The following ZNF226 variants were observed in gnomAD, a reference collection of about 807,000 sequenced individuals.
ZNF226 encodes Kruppel-associated box protein.
In ZNF226, 6 loss-of-function variants were observed where a neutral mutation model predicts 11.4. The observed-to-expected ratio is 0.53, with a 90% CI of 0.29 to 1.04. The LOEUF (loss-of-function observed/expected upper bound fraction) is 1.04, where lower values mean the gene tolerates loss of function less well. Ranked by LOEUF, ZNF226 falls within the 50% of genes least tolerant of loss-of-function variation. The pLI, the probability that ZNF226 is intolerant of heterozygous loss-of-function variation, is 0.08. For missense variants in ZNF226, 1,058 were observed against 956.5 expected, an observed-to-expected ratio of 1.11 and a Z score of -1.40; for synonymous variants, 350 against 322.8, an observed-to-expected ratio of 1.08 and a Z score of -0.90.
chr19:44,190,040 A>T, the ZNF226 span, among the ~76,000 whole-genome samples: 90 of 152,356 alleles, frequency 5.9e-4, no homozygotes, highest in African/African-American at 2.0e-3. Flanking sequence ...TCTGGTCTAC[A>T]GTAGATAATA....
chr19:44,173,517 C>G, intron 5 of ZNF226: 1 of 152,874 alleles, frequency 6.5e-6, no homozygotes, highest in South Asian at 2.1e-4. Flanking sequence ...CAGCACTTCG[C>G]GAGGCTGAGG....
rs1179158817 is a variant in ZNF226, at chr19:44,175,490, C to G, written c.236-8C>G. The stretch of plus-strand genomic sequence containing the variant: ...TTCACTATCTCTCTGAATCCTTTGT[C>G]CTTACAGGAGAGAAAAATCAAAGTA... On this transcript the variant is annotated splice_polypyrimidine_tract_variant and splice_region_variant and intron_variant, in intron 5 of 5. Coordinates refer to ENST00000337433, the MANE Select transcript of ZNF226 (RefSeq NM_001032373.2). 1.3e-6 allele frequency: 2 copies of G among 1,567,288 alleles called. No individual in the cohort carries two copies. Among genetic ancestry groups the G allele is most frequent in the South Asian group, 2.5e-5 (2 of 80,948 alleles).
chr19:44,193,820 G>A, the ZNF226 span, among the ~76,000 whole-genome samples: 8 of 152,168 alleles, frequency 5.3e-5, no homozygotes, highest in South Asian at 2.1e-4. Context: ...CATAATGGCC[G>A]TACATTATCC....
chr19:44,179,807 G>T (rs908149693), downstream of ZNF226, among the ~76,000 whole-genome samples: 1 of 151,984 alleles, frequency 6.6e-6, no homozygotes, highest in East Asian at 1.9e-4. Flanking sequence ...CAGAGGCCAG[G>T]TGCGGTTGCT....
At chr19:44,174,462 A>G (rs1409696255) in intron 5 of ZNF226, 1 of 152,272 alleles carries the variant, frequency 6.6e-6, no homozygotes, top group East Asian at 1.9e-4. Context: ...ATGTTTGCAC[A>G]GTTGCATCCC....
chr19:44,179,572 T>G (rs188835633), downstream of ZNF226, among the ~76,000 whole-genome samples: 154 of 152,294 alleles, frequency 1.0e-3, no homozygotes, highest in African/African-American at 2.8e-3. Flanking sequence ...TGAAGCTGCT[T>G]CTTAGGTACA....
At chr19:44,181,063 C>T (rs757707425), downstream of ZNF226, among the ~76,000 whole-genome samples, 34 of 152,244 alleles carry the variant, frequency 2.2e-4, no homozygotes, top group Non-Finnish European at 3.7e-4. Flanking sequence ...GTGTCCAGTT[C>T]TTTTGGCCTT....
chr19:44,174,806 CAG>C (rs1568569306), intron 5 of ZNF226: 1 of 439,336 alleles, frequency 2.3e-6, no homozygotes, highest in African/African-American at 2.0e-5. Flanking sequence ...AATTTTGACT[CAG>C]TGCAAAAGCC....
chr19:44,176,635 GGCCTTCAA>G lies in ZNF226; in HGVS notation c.1375_1382del (p.Pro459SerfsTer46). 1 of 1,613,108 alleles carries G rather than the reference GGCCTTCAA, an allele frequency of 6.2e-7. No homozygotes were observed. Among genetic ancestry groups the G allele is most frequent in the Non-Finnish European group, 8.5e-7 (1 of 1,179,782 alleles). The stretch of plus-strand genomic sequence containing the variant: ...GAGGAATGTGGTAAAGGCTTTAGTC[GGCCTTCAA>G]GTCTTCAGGCCCATCAGGGAGTTCA... On this transcript the variant is annotated frameshift_variant, in exon 6 of 6. Transcript: ENST00000337433. LOFTEE classifies it low-confidence loss of function (END_TRUNC).
rs373243680 is a variant in ZNF226, at chr19:44,175,976, A to G, written c.714A>G (p.Thr238=). 1.9e-5 allele frequency: 31 copies of G among 1,613,788 alleles called. No individual in the cohort carries two copies. Among genetic ancestry groups the G allele is most frequent in the Non-Finnish European group, 2.5e-5 (30 of 1,179,876 alleles). ...DYEKDNMKIL[T]FDHNSMIHTG... is the part of the protein sequence containing the mutation. ...AAAAAGACAACATGAAGATTTTGAC[A>G]TTTGATCACAATAGCATGATTCACA... Residue 238 remains threonine (T), a synonymous_variant, in exon 6 of 6, where the codon ACA becomes ACG. Coordinates refer to ENST00000337433, the MANE Select transcript of ZNF226 (RefSeq NM_001032373.2).
chr19:44,167,915 GT>G (rs1969592910), intron 2 of ZNF226: 1 of 152,218 alleles, frequency 6.6e-6, no homozygotes, highest in Admixed American at 6.5e-5. Context: ...TGTTAGATGA[GT>G]TGGGGAGAGT....
At chr19:44,173,619 G>A (rs897517039) in intron 5 of ZNF226, 5 of 152,470 alleles carry the variant, frequency 3.3e-5, no homozygotes, top group Non-Finnish European at 7.3e-5. Flanking sequence ...AAATCAGCTG[G>A]GCGTGGTGGT....
At chr19:44,177,793 T>A (rs894508379), downstream of ZNF226, 18 of 1,184,814 alleles carry the variant, frequency 1.5e-5, no homozygotes, top group Non-Finnish European at 2.0e-5. Context: ...TCTTTATGAT[T>A]AGCATAGCAA....
chr19:44,184,568 C>T, the ZNF226 span, among the ~76,000 whole-genome samples: 4 of 143,396 alleles, frequency 2.8e-5, no homozygotes, highest in Admixed American at 2.2e-4. Context: ...GGTGACAGAG[C>T]GAGACTCCAT....
intron 5 of ZNF226, chr19:44,174,870 T>C: frequency 1.0e-6 from 1 of 983,870 alleles, no homozygotes; most frequent in Middle Eastern, 2.2e-4. Context: ...CCCCAAGTGA[T>C]TATCAACTTT....
At position 44,175,471 on chromosome 19, in the gene ZNF226, A is replaced by C. The variant is rs369298302; in HGVS notation, c.236-27A>C. 150 of 1,536,440 alleles carry C rather than the reference A, an allele frequency of 9.8e-5. 1 individual carries two copies. The highest frequency in any genetic ancestry group is 1.8e-4 in the Middle Eastern group (1 of 5,466). On this transcript the variant is annotated intron_variant, in intron 5 of 5. Coordinates refer to ENST00000337433, the MANE Select transcript of ZNF226 (RefSeq NM_001032373.2). ...AAATCTTTGAACAAAAAAATTCACT[A>C]TCTCTCTGAATCCTTTGTCCTTACA...
chr19:44,173,266 A>G (rs1477509219), intron 5 of ZNF226: 1 of 434,368 alleles, frequency 2.3e-6, no homozygotes, highest in Admixed American at 4.1e-5. Flanking sequence ...TTCATCCCCC[A>G]CTACCTCTCT....
downstream of ZNF226, chr19:44,177,765 C>A: frequency 3.0e-6 from 4 of 1,352,322 alleles, no homozygotes; most frequent in South Asian, 3.1e-5. Flanking sequence ...TCCCAGTGGT[C>A]CAAAGACAAC....
At chr19:44,180,917 G>A (rs1219365480), downstream of ZNF226, among the ~76,000 whole-genome samples, 1 of 152,162 alleles carries the variant, frequency 6.6e-6, no homozygotes, top group Non-Finnish European at 1.5e-5. Flanking sequence ...CAACCAGGGA[G>A]CACCTATCTT....
Sources: gnomAD v4.1 joint callset for allele counts (sites outside exome capture counted in the v4.1 genomes callset) on GRCh38, gnomAD v4.1.1 for gene constraint, MANE v1.5 for transcripts, NCBI Gene and HGNC (gene_info 2026-07-23, HGNC 2026-07-21) for gene names.